Variants in LRBA observed in about 807,000 individuals in gnomAD.
LRBA encodes lipopolysaccharide-responsive and beige-like anchor protein.
In LRBA, 176 loss-of-function variants were observed where a neutral mutation model predicts 330.0. That is an observed-to-expected ratio of 0.53 (90% CI 0.47 to 0.60). LRBA has a LOEUF of 0.60. Among genes scored for constraint, LRBA ranks in the 20% least tolerant of loss-of-function variants. The pLI, the probability that LRBA is intolerant of heterozygous loss-of-function variation, is 0.00. For synonymous variants in LRBA, 1,230 were observed against 1,193.0 expected, an observed-to-expected ratio of 1.03 and a Z score of -0.64; for missense variants, 3,259 against 3,444.8, an observed-to-expected ratio of 0.95 and a Z score of 1.35.
Position 150,590,743 on chromosome 4 carries a change from C to T in LRBA, c.6163G>A (p.Val2055Met), listed in dbSNP as rs138428438. 2.3e-4 allele frequency: 368 copies of T among 1,613,866 alleles called. 3 individuals carry two copies. The East Asian group carries it at 7.1e-3, about 31-fold the overall frequency. ...LEGDDDTLSSVDEKDLENLAG... is the reference protein window; with the variant it reads ...LEGDDDTLSSMDEKDLENLAG... ...AGATTCTCTAAATCTTTCTCATCCA[C>T]GGATGACAGAGTATCATCATCGCCT... Residue 2055 changes from valine (V) to methionine (M), a missense_variant, in exon 39 of 57, where the codon GTG becomes ATG. Coordinates refer to ENST00000651943, the MANE Select transcript of LRBA (RefSeq NM_001364905.1).
In LRBA at chr4:150,525,410, T is replaced by C. The variant is rs531931346; in HGVS notation, c.6331-34375A>G. Among the ~76,000 whole-genome samples, 3 of 152,246 alleles carry C rather than the reference T, an allele frequency of 2.0e-5. No homozygotes were observed. In the East Asian group the frequency reaches 5.8e-4, roughly 29 times the overall value. The stretch of plus-strand genomic sequence containing the variant: ...ACTCAAGTTCAATCTATAATACCTA[T>C]TGAAATAGCAAATAATTCAGCCTCA... On this transcript the variant is annotated intron_variant, in intron 40 of 56. Coordinates refer to ENST00000651943, the MANE Select transcript of LRBA (RefSeq NM_001364905.1).
intron 34 of LRBA, among the ~76,000 whole-genome samples, chr4:150,788,517 C>A (rs1027304499): frequency 2.6e-5 from 4 of 151,990 alleles, no homozygotes; most frequent in Admixed American, 2.6e-4. Context: ...TATTAAAATT[C>A]AAAATCTAAG....
intron 40 of LRBA, among the ~76,000 whole-genome samples, chr4:150,557,826 T>C (rs897670179): frequency 6.6e-6 from 1 of 152,180 alleles, no homozygotes; most frequent in African/African-American, 2.4e-5. Context: ...CTGGTTGAAG[T>C]AGCATTTCTC....
intron 50 of LRBA, among the ~76,000 whole-genome samples, chr4:150,320,499 A>G (rs191921714): frequency 1.3e-5 from 2 of 152,190 alleles, no homozygotes; most frequent in Non-Finnish European, 2.9e-5. Flanking sequence ...TCTGGCACAT[A>G]ATAGACAATC....
At chr4:150,995,964 T>C (rs1468667603) in intron 2 of LRBA, among the ~76,000 whole-genome samples, 3 of 151,580 alleles carry the variant, frequency 2.0e-5, no homozygotes, top group African/African-American at 4.8e-5. Context: ...GAGTCTTCAG[T>C]AGAGGTCCCA....
At chr4:150,337,100 C>T (rs1197933379) in intron 48 of LRBA, among the ~76,000 whole-genome samples, 3 of 152,198 alleles carry the variant, frequency 2.0e-5, no homozygotes, top group East Asian at 1.9e-4. Context: ...TCAACAATAT[C>T]CAGAGAGTTA....
chr4:150,409,661 C>T (rs144233365), intron 47 of LRBA, among the ~76,000 whole-genome samples: 1,670 of 152,208 alleles, frequency 0.011, 11 homozygotes, highest in Non-Finnish European at 0.016. Context: ...CATCTTCCAA[C>T]AAAACAAAGT....
intron 44 of LRBA, among the ~76,000 whole-genome samples, chr4:150,453,465 A>C (rs569831954): frequency 1.3e-4 from 20 of 152,322 alleles, no homozygotes; most frequent in African/African-American, 4.6e-4. Context: ...TCTACACACA[A>C]AAAAATGAAC....
intron 47 of LRBA, among the ~76,000 whole-genome samples, chr4:150,393,022 A>AG (rs891170735): frequency 3.3e-5 from 5 of 151,796 alleles, no homozygotes; most frequent in East Asian, 1.9e-4. Context: ...TAAAAAAAAA[A>AG]GGGGGGAGAA....
chr4:150,312,858 T>C (rs1431316666), intron 51 of LRBA, among the ~76,000 whole-genome samples: 3 of 152,108 alleles, frequency 2.0e-5, no homozygotes, highest in Admixed American at 1.3e-4. Flanking sequence ...TCTATTTTCC[T>C]AAGTGAGTAA....
intron 44 of LRBA, among the ~76,000 whole-genome samples, chr4:150,439,973 A>G (rs1751605493): frequency 6.6e-6 from 1 of 152,200 alleles, no homozygotes; most frequent in South Asian, 2.1e-4. Context: ...TGTCTAAATC[A>G]GCATTTCAGG....
chr4:150,265,579 CAAAAATAGCAATTATTAATAACTTTA>C lies in LRBA; in HGVS notation c.*117_*142del. ...CCCCAAAAAAGTCAAGCAAAGACTA[CAAAAATAGCAATTATTAATAACTTTA>C]AAAAATATTTTGCTTCTTTGAGCAA... On this transcript the variant is annotated 3_prime_UTR_variant, in exon 57 of 57. Transcript: ENST00000651943. The C allele has an allele frequency of 1.7e-6, 1 of 599,994 alleles. No homozygotes were observed. The highest frequency in any genetic ancestry group is 3.0e-6 in the Non-Finnish European group (1 of 330,366). 37.2% of individuals were successfully genotyped at this position (599,994 alleles called of 1,614,324 possible). A position where few individuals can be genotyped will look rare whatever the true frequency, so the allele number is the denominator to read the frequency against.
At chr4:150,682,993 T>C (rs982651286) in intron 37 of LRBA, among the ~76,000 whole-genome samples, 1 of 152,056 alleles carries the variant, frequency 6.6e-6, no homozygotes, top group African/African-American at 2.4e-5. Flanking sequence ...AGTTTGGCTA[T>C]CTTAAAAGAA....
chr4:150,491,019 T>G lies in LRBA; in HGVS notation c.6347A>C (p.Glu2116Ala), dbSNP rs1424459680. 6 of 1,594,638 alleles carry G rather than the reference T, an allele frequency of 3.8e-6. No homozygotes were observed. Among genetic ancestry groups the G allele is most frequent in the Non-Finnish European group, 5.1e-6 (6 of 1,165,100 alleles). Residue 2116 changes from glutamate to alanine, a missense_variant, in exon 41 of 57, where the codon GAA becomes GCA. Physicochemically the swap from Glu to Ala is moderately radical, Grantham distance 107. Coordinates refer to ENST00000651943, the MANE Select transcript of LRBA (RefSeq NM_001364905.1). ...GAACAGCCATTTTCCATGCAGCCCT[T>G]CTGTATATGCCAAGATCTAATGAGG... ...KIDPKILAYT[E>A]GLHGKWLFTE...
At chr4:150,594,863 AG>A (rs1773314356) in intron 38 of LRBA, among the ~76,000 whole-genome samples, 1 of 152,092 alleles carries the variant, frequency 6.6e-6, no homozygotes, top group East Asian at 1.9e-4. Context: ...AAAACAGGTA[AG>A]TAGAATTAAA....
intron 47 of LRBA, among the ~76,000 whole-genome samples, chr4:150,351,713 C>T (rs557906398): frequency 5.6e-4 from 85 of 152,072 alleles, no homozygotes; most frequent in Non-Finnish European, 1.1e-3. Context: ...AACAAAAAAA[C>T]TATACAGTAA....
intron 44 of LRBA, among the ~76,000 whole-genome samples, chr4:150,465,359 A>G (rs933818515): frequency 2.6e-5 from 4 of 152,130 alleles, no homozygotes; most frequent in African/African-American, 4.8e-5. Context: ...CGCTGCTACA[A>G]ATATGAACAT....
intron 46 of LRBA, among the ~76,000 whole-genome samples, chr4:150,428,992 A>G (rs138669232): frequency 2.8e-4 from 42 of 152,248 alleles, no homozygotes; most frequent in African/African-American, 9.6e-4. Flanking sequence ...ACCATGCTCC[A>G]AACACCTTTG....
chr4:150,796,713 C>T (rs1359632919), intron 34 of LRBA, among the ~76,000 whole-genome samples: 1 of 151,838 alleles, frequency 6.6e-6, no homozygotes, highest in Admixed American at 6.6e-5. Context: ...TTCTTCTAAA[C>T]TAGAAAGTAA....
Sources: allele counts gnomAD v4.1 joint callset (sites outside exome capture counted in the v4.1 genomes callset), GRCh38; gene constraint gnomAD v4.1.1; transcripts MANE v1.5; gene names NCBI Gene and HGNC (gene_info 2026-07-23, HGNC 2026-07-21).